CORO2B: variants seen among roughly 807,000 people sequenced by gnomAD.
CORO2B encodes the protein coronin 2B, also known as coronin-2B.
CORO2B carries 26 observed loss-of-function variants against 58.8 expected under a neutral mutation model. The observed-to-expected ratio is 0.44, with a 90% confidence interval of 0.32 to 0.61. CORO2B has a LOEUF of 0.61. Among genes scored for constraint, CORO2B ranks in the 20% least tolerant of loss-of-function variants. The probability of loss-of-function intolerance (pLI) is 0.04; values close to 1 mark genes in which losing one functional copy is unlikely to be tolerated. For missense variants in CORO2B, 460 were observed against 645.1 expected (o/e 0.71, Z 3.11); for synonymous variants, 242 against 253.8 (o/e 0.95, Z 0.44).
At chr15:68,550,844 G>GGCTGTACTGT in the CORO2B span, among the ~76,000 whole-genome samples, 1,171 of 152,304 alleles carry the variant, frequency 7.7e-3, 16 homozygotes, top group African/African-American at 0.027. Context: ...AGACTAAAAT[G>GGCTGTACTGT]GCTGTACTGT....
rs555666198 is a variant in CORO2B, at chr15:68,727,536, C to T, written c.*1562C>T. 1 of 152,452 alleles carries T rather than the reference C, an allele frequency of 6.6e-6. No individual in the cohort carries two copies. Among genetic ancestry groups the T allele is most frequent in the South Asian group, 2.1e-4 (1 of 4,816 alleles). The allele number at this position is 152,452 out of a possible 1,614,324, so 9.4% of individuals were successfully genotyped here. ...CATACCTGCTTTTCCCATGGCCGCC[C>T]TACGGAAAATCCCATCCACAGAGGC... On this transcript the variant is annotated 3_prime_UTR_variant, in exon 12 of 12. Coordinates refer to ENST00000261861, the MANE Select transcript of CORO2B (RefSeq NM_006091.5).
At chr15:68,586,217 G>A (rs911371338) in intron 1 of CORO2B, among the ~76,000 whole-genome samples, 3 of 152,138 alleles carry the variant, frequency 2.0e-5, no homozygotes, top group East Asian at 1.9e-4. Context: ...AAAGTGAGCC[G>A]ATCCATGTGA....
At chr15:68,555,722 A>C in the CORO2B span, among the ~76,000 whole-genome samples, 1 of 152,232 alleles carries the variant, frequency 6.6e-6, no homozygotes, top group African/African-American at 2.4e-5. Context: ...TTTGCAGTTG[A>C]TGTGGTCACA....
intron 11 of CORO2B, among the ~76,000 whole-genome samples, chr15:68,723,797 C>T (rs190955003): frequency 1.3e-5 from 2 of 152,058 alleles, no homozygotes; most frequent in Non-Finnish European, 2.9e-5. Flanking sequence ...ATAAAACATG[C>T]GAGGTGTAGT....
chr15:68,526,362 T>C, the CORO2B span, among the ~76,000 whole-genome samples: 1 of 152,230 alleles, frequency 6.6e-6, no homozygotes. Flanking sequence ...GAAGGGGCTA[T>C]ACCATTTTAG....
chr15:68,584,790 GT>G (rs1899510661), intron 1 of CORO2B, among the ~76,000 whole-genome samples: 1 of 152,186 alleles, frequency 6.6e-6, no homozygotes, highest in African/African-American at 2.4e-5. Flanking sequence ...CAGGCCCAGG[GT>G]CCTGGAGCAC....
the CORO2B span, among the ~76,000 whole-genome samples, chr15:68,529,107 T>A: frequency 2.6e-4 from 40 of 152,246 alleles, no homozygotes; most frequent in Non-Finnish European, 8.8e-5. Flanking sequence ...GGGAGCGAAG[T>A]ACGTGGGTTG....
At chr15:68,706,370 G>T (rs1486263834) in intron 3 of CORO2B, among the ~76,000 whole-genome samples, 1 of 151,982 alleles carries the variant, frequency 6.6e-6, no homozygotes, top group African/African-American at 2.4e-5. Flanking sequence ...CAACAGCTCT[G>T]TGCCCCCACA....
At chr15:68,717,899 C>G (rs1367157395) in intron 8 of CORO2B, among the ~76,000 whole-genome samples, 1 of 152,148 alleles carries the variant, frequency 6.6e-6, no homozygotes, top group Non-Finnish European at 1.5e-5. Flanking sequence ...TAATGAGTAT[C>G]TTGGAACATA....
chr15:68,712,652 G>A (rs546841217), intron 5 of CORO2B, among the ~76,000 whole-genome samples: 12 of 152,278 alleles, frequency 7.9e-5, no homozygotes, highest in African/African-American at 2.9e-4. Context: ...CATGATTAGT[G>A]TTAACTGACA....
At chr15:68,617,831 C>T (rs1183619328) in intron 1 of CORO2B, among the ~76,000 whole-genome samples, 1 of 152,172 alleles carries the variant, frequency 6.6e-6, no homozygotes, top group Non-Finnish European at 1.5e-5. Context: ...TGGGTGAGCC[C>T]TGTGCCTGAA....
chr15:68,681,875 C>T (rs947359580), intron 2 of CORO2B, among the ~76,000 whole-genome samples: 5 of 152,126 alleles, frequency 3.3e-5, no homozygotes, highest in Non-Finnish European at 5.9e-5. Flanking sequence ...ACAGAAATCA[C>T]CCCCAACCCC....
At position 68,711,563 on chromosome 15, in the gene CORO2B, G is replaced by A. The variant is rs1018692431; in HGVS notation, c.505G>A (p.Val169Met). ...GCAGGTCCTCATCTGGAACCTGGAT[G>A]TGGGTGAGCCGGTGAAGATGATTGA... ...DYKVLIWNLD[V>M]GEPVKMIDCH... The change falls in exon 5 of 12, where the codon GTG becomes ATG. Residue 169 changes from valine (V) to methionine (M), a missense_variant. Val to Met is a conservative substitution (Grantham distance 21). Around this residue, in one of 2 missense-constraint regions of CORO2B, gnomAD observed 352 missense variants for 543.0 expected, o/e 0.65. Coordinates refer to ENST00000261861, the MANE Select transcript of CORO2B (RefSeq NM_006091.5). The A allele has an allele frequency of 3.1e-6, 5 of 1,612,794 alleles. No homozygotes were observed. In the African/African-American group the frequency reaches 6.7e-5, roughly 22 times the overall value.
At chr15:68,604,336 C>T (rs1900054798) in intron 1 of CORO2B, among the ~76,000 whole-genome samples, 2 of 152,092 alleles carry the variant, frequency 1.3e-5, no homozygotes, top group African/African-American at 2.4e-5. Context: ...CACCCCCAAA[C>T]CGCCTTTCCT....
At position 68,580,183 on chromosome 15, in the gene CORO2B, C is replaced by T. The variant is rs1899391236; in HGVS notation, c.15+906C>T. ...TGGGTTGTGACAGGCTGTTAAAGAA[C>T]CAATAACATCAAGGGTGTGAACCCA... On this transcript the variant is annotated intron_variant, in intron 1 of 11. Coordinates refer to ENST00000261861, the MANE Select transcript of CORO2B (RefSeq NM_006091.5). Among the ~76,000 whole-genome samples, 3 of 152,194 alleles carry T rather than the reference C, an allele frequency of 2.0e-5. 1 individual carries two copies. The South Asian group carries it at 6.2e-4, about 31-fold the overall frequency.
At chr15:68,665,758 C>T (rs959550525) in intron 2 of CORO2B, among the ~76,000 whole-genome samples, 6 of 151,934 alleles carry the variant, frequency 3.9e-5, no homozygotes, top group Non-Finnish European at 5.9e-5. Context: ...ACTAGAAAGC[C>T]ATAAGTTTCT....
chr15:68,605,957 C>T (rs1185797781), intron 1 of CORO2B, among the ~76,000 whole-genome samples: 1 of 151,880 alleles, frequency 6.6e-6, no homozygotes, highest in African/African-American at 2.4e-5. Context: ...AACTCCTGAA[C>T]TTGTGATTCG....
chr15:68,612,045 A>G (rs1333482674), intron 1 of CORO2B, among the ~76,000 whole-genome samples: 1 of 152,226 alleles, frequency 6.6e-6, no homozygotes, highest in Non-Finnish European at 1.5e-5. Flanking sequence ...TGCAGAGGCT[A>G]TAGGCAGGAG....
the CORO2B span, among the ~76,000 whole-genome samples, chr15:68,548,959 C>T: frequency 2.0e-5 from 3 of 152,124 alleles, no homozygotes; most frequent in African/African-American, 7.2e-5. Flanking sequence ...ATATATATGG[C>T]AAATATCTTT....
Sources: gnomAD v4.1 joint callset for allele counts (sites outside exome capture counted in the v4.1 genomes callset) on GRCh38, gnomAD v4.1.1 for gene constraint, gnomAD v4.1.1 regional missense constraint, MANE v1.5 for transcripts, NCBI Gene and HGNC (gene_info 2026-07-23, HGNC 2026-07-21) for gene names.